LRGUK: variants seen among roughly 807,000 people sequenced by gnomAD.
LRGUK encodes leucine-rich repeat and guanylate kinase domain-containing protein.
Under a neutral mutation model 76.0 loss-of-function variants are expected in LRGUK, and 65 were observed. The ratio of observed to expected loss-of-function variants is 0.85; its 90% CI spans 0.70 to 1.05. LRGUK has a LOEUF of 1.05. Ranked by LOEUF, LRGUK falls within the 50% of genes least tolerant of loss-of-function variation. The pLI, the probability that LRGUK is intolerant of heterozygous loss-of-function variation, is 0.00. For missense variants in LRGUK, 758 were observed against 732.8 expected, an observed-to-expected ratio of 1.03 and a Z score of -0.40; for synonymous variants, 268 against 265.6, an observed-to-expected ratio of 1.01 and a Z score of -0.09.
intron 16 of LRGUK, among the ~76,000 whole-genome samples, chr7:134,238,292 A>G (rs1206510401): frequency 6.6e-6 from 1 of 151,804 alleles, no homozygotes; most frequent in Non-Finnish European, 1.5e-5. Flanking sequence ...CTTGTACTTT[A>G]TACTGGAATT....
intron 2 of LRGUK, among the ~76,000 whole-genome samples, chr7:134,138,591 GTTTA>G (rs1218921397): frequency 6.6e-6 from 1 of 152,024 alleles, no homozygotes; most frequent in Non-Finnish European, 1.5e-5. Context: ...TTCAGTAAGT[GTTTA>G]TTTATTATTA....
downstream of LRGUK, among the ~76,000 whole-genome samples, chr7:134,210,691 T>C (rs1801225891): frequency 6.6e-6 from 1 of 152,178 alleles, no homozygotes; most frequent in African/African-American, 2.4e-5. Flanking sequence ...GAGAGATTGC[T>C]TCGCAATCCC....
At chr7:134,195,544 T>G (rs1270979581) in intron 12 of LRGUK, among the ~76,000 whole-genome samples, 1 of 152,186 alleles carries the variant, frequency 6.6e-6, no homozygotes, top group Non-Finnish European at 1.5e-5. Flanking sequence ...CTGATCTTTT[T>G]GTTCTATTGA....
At position 134,198,372 on chromosome 7, in the gene LRGUK, A is replaced by G. The variant is rs138126012; in HGVS notation, c.1546-848A>G. Among the ~76,000 whole-genome samples the G allele has an allele frequency of 3.1e-3, 468 of 152,168 alleles. 3 individuals carry two copies. In the Middle Eastern group the frequency reaches 0.034, roughly 11 times the overall value. On this transcript the variant is annotated intron_variant, in intron 13 of 15. Coordinates refer to ENST00000645682, the Ensembl canonical transcript of LRGUK. ...ACTCTTCCTCATTTCCAGGAGGTTG[A>G]GTCTATAATCCATGCTTGATTCCCC... is the stretch of plus-strand genomic sequence containing the variant.
chr7:134,239,396 G>T (rs766885934), intron 16 of LRGUK, among the ~76,000 whole-genome samples: 3 of 152,232 alleles, frequency 2.0e-5, no homozygotes, highest in Non-Finnish European at 4.4e-5. Flanking sequence ...CACACCAGGA[G>T]ATTATATCCT....
intron 1 of LRGUK, among the ~76,000 whole-genome samples, chr7:134,134,695 A>G (rs189702431): frequency 1.3e-5 from 2 of 152,322 alleles, no homozygotes; most frequent in Admixed American, 1.3e-4. Flanking sequence ...GGCTAGGTGG[A>G]AAGTTTGGAG....
At position 134,176,872 on chromosome 7, in the gene LRGUK, A is replaced by G. The variant is rs138715149; in HGVS notation, c.1021-105A>G. ...TCCTGTGAGGGTGTGTGTGGGAATG[A>G]TGAGGTAGTAGGTGAAAGGCCCAAG... On this transcript the variant is annotated intron_variant, in intron 8 of 15. Coordinates refer to ENST00000645682, the Ensembl canonical transcript of LRGUK. 5.3e-4 allele frequency: 347 copies of G among 651,086 alleles called. 1 individual carries two copies. In the African/African-American group the frequency reaches 5.6e-3, roughly 11 times the overall value. The allele number at this position is 651,086 out of a possible 1,614,324, so 40.3% of individuals were successfully genotyped here.
At chr7:134,172,452 T>C (rs909169075) in intron 7 of LRGUK, among the ~76,000 whole-genome samples, 6 of 152,304 alleles carry the variant, frequency 3.9e-5, no homozygotes, top group Admixed American at 2.0e-4. Flanking sequence ...GAAATCTAAT[T>C]CTTTACAAAA....
chr7:134,179,312 G>A (rs1241300736), intron 10 of LRGUK, among the ~76,000 whole-genome samples: 5 of 152,166 alleles, frequency 3.3e-5, no homozygotes, highest in African/African-American at 1.2e-4. Flanking sequence ...TATGCTCTAA[G>A]TATAATGCAG....
chr7:134,229,130 C>A (rs1305279184), intron 16 of LRGUK, among the ~76,000 whole-genome samples: 1 of 152,056 alleles, frequency 6.6e-6, no homozygotes, highest in Non-Finnish European at 1.5e-5. Context: ...AATCCCAGTA[C>A]TTTGGGAGGC....
At chr7:134,263,536 C>G (rs566164865) in intron 19 of LRGUK, among the ~76,000 whole-genome samples, 1 of 151,372 alleles carries the variant, frequency 6.6e-6, no homozygotes, top group Non-Finnish European at 1.5e-5. Context: ...CATTGGGCAA[C>G]TCTATACAAC....
intron 3 of LRGUK, 28 bp from the exon 4 acceptor site, chr7:134,143,034 C>A: frequency 8.3e-7 from 1 of 1,211,992 alleles, no homozygotes; most frequent in Non-Finnish European, 1.2e-6. Context: ...ATTGGCTTAC[C>A]TTATTCTGTA....
rs1801133743 is a variant in LRGUK at position 134,209,190 on chromosome 7, CAG to C, written c.2328_2329del (p.Glu778GlyfsTer12). 1.5e-5 allele frequency: 6 copies of C among 399,128 alleles called. No homozygotes were observed. The highest frequency in any genetic ancestry group is 2.7e-5 in the Non-Finnish European group (6 of 226,344). The allele number at this position is 399,128 out of a possible 1,614,324, so 24.7% of individuals were successfully genotyped here. Reference sequence around the variant, plus strand: ...CCTCAGCCAGGCCAGGACAAGGAGTCAGGGGAGGCCCAGGTAACCCCTACTGG... The same window carrying C: ...CCTCAGCCAGGCCAGGACAAGGAGTCGGGAGGCCCAGGTAACCCCTACTGG... On this transcript the variant is annotated frameshift_variant, in exon 16 of 16. Coordinates refer to ENST00000645682, the Ensembl canonical transcript of LRGUK. LOFTEE classifies it low-confidence loss of function (END_TRUNC).
At chr7:134,263,731 G>C (rs1359682584) in intron 19 of LRGUK, 114 bp from the exon 20 acceptor site, 1 of 982,260 alleles carries the variant, frequency 1.0e-6, no homozygotes, top group Non-Finnish European at 1.4e-6. Flanking sequence ...ATTTCTTATA[G>C]TTTGTCATGA....
At chr7:134,244,867 C>A (rs916765148) in intron 16 of LRGUK, among the ~76,000 whole-genome samples, 4 of 152,168 alleles carry the variant, frequency 2.6e-5, no homozygotes, top group Non-Finnish European at 5.9e-5. Context: ...GAATACTACG[C>A]AGCCATAAAA....
chr7:134,182,753 T>TGA (rs547900031), intron 10 of LRGUK, among the ~76,000 whole-genome samples: 138 of 152,194 alleles, frequency 9.1e-4, no homozygotes, highest in Admixed American at 4.0e-3. Flanking sequence ...GATTTTATTA[T>TGA]TATGATGATG....
chr7:134,273,510 A>AT, the LRGUK span, among the ~76,000 whole-genome samples: 6,800 of 148,278 alleles, frequency 0.046, 395 homozygotes, highest in African/African-American at 0.13. Context: ...CAGGCATTGC[A>AT]CTTTTTTTTT....
In LRGUK at chr7:134,134,052, A is replaced by G. The variant is rs1245786816; in HGVS notation, c.298-2971A>G. On this transcript the variant is annotated intron_variant, in intron 1 of 15. Transcript: ENST00000645682. ...ATTTCAGCCCAGGTGACAGAGCGAG[A>G]CCATGCCTAAAAAAAAAAGAAAAAG... Among the ~76,000 whole-genome samples, 6 of 148,470 alleles carry G rather than the reference A, an allele frequency of 4.0e-5. No individual in the cohort carries two copies. In the East Asian group the frequency reaches 7.8e-4, roughly 19 times the overall value.
chr7:134,247,617 G>A (rs1045231026), exon 17 of LRGUK: 75 of 1,613,490 alleles, frequency 4.6e-5, no homozygotes, highest in East Asian at 6.7e-5. Flanking sequence ...GGAAGGATAC[G>A]CCCTGATCAC....
Sources: allele counts gnomAD v4.1 joint callset (sites outside exome capture counted in the v4.1 genomes callset), GRCh38; gene constraint gnomAD v4.1.1; transcripts MANE v1.5; gene names NCBI Gene and HGNC (gene_info 2026-07-23, HGNC 2026-07-21).